LRRC4C: variants seen among roughly 807,000 people sequenced by gnomAD.
LRRC4C encodes leucine rich repeat containing 4C.
A neutral mutation model predicts 33.6 loss-of-function variants in LRRC4C; 5 were observed. The ratio of observed to expected loss-of-function variants is 0.15; its 90% CI spans 0.08 to 0.31. LRRC4C has a LOEUF of 0.31. Among genes scored for constraint, LRRC4C ranks in the 10% least tolerant of loss-of-function variants. The pLI, the probability that LRRC4C is intolerant of heterozygous loss-of-function variation, is 1.00. For synonymous variants in LRRC4C, 329 were observed against 302.0 expected (o/e 1.09, Z -0.93); for missense variants, 560 against 796.7 (o/e 0.70, Z 3.58).
chr11:40,142,281 A>G (rs1391402710), intron 5 of LRRC4C, among the ~76,000 whole-genome samples: 1 of 29,444 alleles, frequency 3.4e-5, no homozygotes, highest in Admixed American at 4.3e-4. Flanking sequence ...CTGTCTCAAA[A>G]AAAAAAAAAA....
At chr11:41,149,300 T>C (rs1943876846) in intron 1 of LRRC4C, among the ~76,000 whole-genome samples, 1 of 151,656 alleles carries the variant, frequency 6.6e-6, no homozygotes, top group African/African-American at 2.4e-5. Context: ...GGTCAGGAGA[T>C]CGAGACCATC....
At chr11:40,636,245 T>A (rs1196916022) in intron 3 of LRRC4C, among the ~76,000 whole-genome samples, 1 of 152,140 alleles carries the variant, frequency 6.6e-6, no homozygotes, top group East Asian at 1.9e-4. Context: ...CCAACACATC[T>A]CTACCCATTG....
At chr11:41,399,487 C>G (rs1344753096) in intron 1 of LRRC4C, among the ~76,000 whole-genome samples, 1 of 151,906 alleles carries the variant, frequency 6.6e-6, no homozygotes, top group Non-Finnish European at 1.5e-5. Context: ...GAATGACAGG[C>G]TTTCCTTCAC....
chr11:41,122,488 T>C (rs1189953704), intron 1 of LRRC4C, among the ~76,000 whole-genome samples: 1 of 151,996 alleles, frequency 6.6e-6, no homozygotes, highest in Admixed American at 6.6e-5. Flanking sequence ...TTTCAACTGA[T>C]AATATATATA....
At chr11:40,340,308 T>G (rs1056254226) in intron 3 of LRRC4C, among the ~76,000 whole-genome samples, 3 of 152,098 alleles carry the variant, frequency 2.0e-5, no homozygotes, top group African/African-American at 7.2e-5. Context: ...CATGTACAGT[T>G]CAAATATTGG....
At chr11:41,205,696 G>A (rs895434887) in intron 1 of LRRC4C, among the ~76,000 whole-genome samples, 27 of 152,128 alleles carry the variant, frequency 1.8e-4, no homozygotes, top group African/African-American at 6.3e-4. Flanking sequence ...ATAACCTTCA[G>A]GAATTCCTAA....
intron 1 of LRRC4C, among the ~76,000 whole-genome samples, chr11:41,291,646 G>A (rs1307321980): frequency 6.6e-6 from 1 of 152,018 alleles, no homozygotes; most frequent in African/African-American, 2.4e-5. Context: ...AAAGTTACAG[G>A]AGCCTATACA....
At chr11:40,670,629 A>C (rs574810165) in intron 2 of LRRC4C, among the ~76,000 whole-genome samples, 4 of 152,320 alleles carry the variant, frequency 2.6e-5, no homozygotes, top group East Asian at 1.9e-4. Context: ...CCAGCAGCAA[A>C]GTTGCTAGAT....
intron 1 of LRRC4C, among the ~76,000 whole-genome samples, chr11:41,163,121 A>G (rs1944546329): frequency 6.6e-6 from 1 of 151,948 alleles, no homozygotes; most frequent in South Asian, 2.1e-4. Context: ...TGCCGCCACC[A>G]TGTAAGAAGT....
At chr11:41,425,146 A>G (rs1013623203) in intron 1 of LRRC4C, among the ~76,000 whole-genome samples, 2 of 152,062 alleles carry the variant, frequency 1.3e-5, no homozygotes, top group Non-Finnish European at 2.9e-5. Context: ...TTGAAAATAT[A>G]TTGTTCAGGA....
intron 1 of LRRC4C, among the ~76,000 whole-genome samples, chr11:41,337,295 C>T (rs1951487928): frequency 6.6e-6 from 1 of 152,084 alleles, no homozygotes; most frequent in African/African-American, 2.4e-5. Flanking sequence ...ATACTCCTGC[C>T]CTGACCTCTC....
intron 1 of LRRC4C, among the ~76,000 whole-genome samples, chr11:40,950,875 ACTTG>A (rs1565234579): frequency 1.3e-5 from 2 of 150,150 alleles, no homozygotes; most frequent in East Asian, 1.9e-4. Context: ...TAATTTTCCA[ACTTG>A]CTTATTTTTT....
chr11:40,361,124 C>A (rs527672002), intron 3 of LRRC4C, among the ~76,000 whole-genome samples: 1 of 152,080 alleles, frequency 6.6e-6, no homozygotes, highest in African/African-American at 2.4e-5. Flanking sequence ...GTATGACAAA[C>A]CCATAACTAA....
intron 3 of LRRC4C, among the ~76,000 whole-genome samples, chr11:40,525,616 T>C (rs12276779): frequency 0.088 from 13,351 of 152,140 alleles, 1,656 homozygotes; most frequent in African/African-American, 0.28. Flanking sequence ...CCTAAATAAA[T>C]GGAGGAATTA....
intron 3 of LRRC4C, among the ~76,000 whole-genome samples, chr11:40,616,643 A>G (rs1961865175): frequency 6.6e-6 from 1 of 151,878 alleles, no homozygotes; most frequent in Non-Finnish European, 1.5e-5. Context: ...CATCATTCTC[A>G]GCAAACTATC....
chr11:41,023,118 C>G (rs927986276), intron 1 of LRRC4C, among the ~76,000 whole-genome samples: 1 of 151,682 alleles, frequency 6.6e-6, no homozygotes, highest in Non-Finnish European at 1.5e-5. Flanking sequence ...AGAACATCAC[C>G]AAGATCATTA....
chr11:41,128,098 G>A (rs1035701451), intron 1 of LRRC4C, among the ~76,000 whole-genome samples: 1 of 152,000 alleles, frequency 6.6e-6, no homozygotes, highest in Admixed American at 6.6e-5. Flanking sequence ...ATAGCTAAAA[G>A]GGAAGGCCCA....
At chr11:41,026,163 A>T (rs1856340331) in intron 1 of LRRC4C, among the ~76,000 whole-genome samples, 1 of 151,724 alleles carries the variant, frequency 6.6e-6, no homozygotes, top group Non-Finnish European at 1.5e-5. Flanking sequence ...ATAAATCTGG[A>T]CAAACTATTT....
At position 40,586,284 on chromosome 11, in the gene LRRC4C, G is replaced by A. The variant is rs561350247; in HGVS notation, c.-270+61858C>T. On this transcript the variant is annotated intron_variant, in intron 3 of 6. Transcript: ENST00000528697. Reference sequence around the variant, plus strand: ...GCATAAATGTCTTCTTTTGAGAAGCGTCTGTTCATGTCCTTCACCCACTTT... The same window carrying A: ...GCATAAATGTCTTCTTTTGAGAAGCATCTGTTCATGTCCTTCACCCACTTT... 1.9e-3 allele frequency among the ~76,000 whole-genome samples: 293 copies of A among 151,332 alleles called. 1 individual carries two copies. The highest frequency in any genetic ancestry group is 5.9e-3 in the African/African-American group (239 of 40,742).
Sources: gnomAD v4.1 joint callset for allele counts (sites outside exome capture counted in the v4.1 genomes callset) on GRCh38, gnomAD v4.1.1 for gene constraint, MANE v1.5 for transcripts, NCBI Gene and HGNC (gene_info 2026-07-23, HGNC 2026-07-21) for gene names.